DCAF7: variants seen among roughly 807,000 people sequenced by gnomAD.
The protein encoded by DCAF7 is DDB1 and CUL4 associated factor 7.
DCAF7 carries 4 observed loss-of-function variants against 41.2 expected under a neutral mutation model. That is an observed-to-expected ratio of 0.10 (90% confidence interval 0.05 to 0.22). DCAF7 has a LOEUF of 0.22. DCAF7 is among the 10% of genes least tolerant of loss of function. The pLI is 1.00. For missense variants in DCAF7, 131 were observed against 443.2 expected, an observed-to-expected ratio of 0.30 and a Z score of 6.32; for synonymous variants, 143 against 164.2, an observed-to-expected ratio of 0.87 and a Z score of 0.99.
intron 1 of DCAF7, among the ~76,000 whole-genome samples, chr17:63,571,928 A>G (rs917757117): frequency 2.0e-5 from 3 of 151,986 alleles, no homozygotes; most frequent in Non-Finnish European, 4.4e-5. Context: ...TCTGATAGCT[A>G]AGTTGGAAAA....
At position 63,568,746 on chromosome 17, in the gene DCAF7, G is replaced by C. The variant is rs112873389; in HGVS notation, c.139-9724G>C. On this transcript the variant is annotated intron_variant, in intron 1 of 6. Coordinates refer to ENST00000614556, the MANE Select transcript of DCAF7 (RefSeq NM_005828.5). ...TGAGCCTCAGGCCTCTCATGGGACT[G>C]GACCCGGCCAGTGGAAAGCTGTTGT... is the stretch of plus-strand genomic sequence containing the variant. 9.2e-3 allele frequency among the ~76,000 whole-genome samples: 1,408 copies of C among 152,264 alleles called. 31 individuals carry two copies. The highest frequency in any genetic ancestry group is 0.033 in the African/African-American group (1,362 of 41,548).
At chr17:63,584,360 C>T (rs1260757987) in intron 5 of DCAF7, among the ~76,000 whole-genome samples, 1 of 151,882 alleles carries the variant, frequency 6.6e-6, no homozygotes, top group Non-Finnish European at 1.5e-5. Flanking sequence ...TCCAGCTATT[C>T]GGGAGGCTGA....
intron 1 of DCAF7, among the ~76,000 whole-genome samples, chr17:63,570,648 A>G (rs183400885): frequency 1.4e-4 from 21 of 152,296 alleles, no homozygotes; most frequent in Admixed American, 3.9e-4. Flanking sequence ...GCTCTGCTCT[A>G]TAGAGCACTA....
rs1284501943 is a variant in DCAF7 at position 63,590,501 on chromosome 17, G to A, written c.*1329G>A. Reference sequence around the variant, plus strand: ...TCAACCCCTCTCTCCCCCAGTTTAGGTTCTGAGCAGTATTGGACTTGTAGC... The same window carrying A: ...TCAACCCCTCTCTCCCCCAGTTTAGATTCTGAGCAGTATTGGACTTGTAGC... On this transcript the variant is annotated 3_prime_UTR_variant, in exon 7 of 7. Transcript: ENST00000614556. 1 of 152,750 alleles carries A rather than the reference G, an allele frequency of 6.5e-6. No homozygotes were observed. Among genetic ancestry groups the A allele is most frequent in the African/African-American group, 2.4e-5 (1 of 41,446 alleles). The allele number at this position is 152,750 out of a possible 1,614,324, so 9.5% of individuals were successfully genotyped here.
At chr17:63,582,456 G>T (rs541827425) in intron 4 of DCAF7, among the ~76,000 whole-genome samples, 1 of 150,560 alleles carries the variant, frequency 6.6e-6, no homozygotes, top group South Asian at 2.1e-4. Flanking sequence ...CTCTCTCTTC[G>T]TCCCTCTTCG....
intron 1 of DCAF7, among the ~76,000 whole-genome samples, chr17:63,559,347 A>G (rs1390924383): frequency 8.4e-6 from 1 of 118,764 alleles, no homozygotes; most frequent in Non-Finnish European, 1.7e-5. Context: ...ACATATATAT[A>G]CGTATATATA....
At chr17:63,585,379 C>T (rs2033666462) in intron 6 of DCAF7, 51 bp downstream of exon 6, 5 of 1,476,392 alleles carry the variant, frequency 3.4e-6, no homozygotes, top group Non-Finnish European at 4.7e-6. Flanking sequence ...GAAATCTGTT[C>T]TCTTGGCTCC....
Position 63,583,299 on chromosome 17 carries a change from A to G in DCAF7, c.529-203A>G, listed in dbSNP as rs148834614. Among the ~76,000 whole-genome samples the G allele has an allele frequency of 8.1e-4, 124 of 152,338 alleles. 2 individuals carry two copies. Among genetic ancestry groups the G allele is most frequent in the African/African-American group, 2.8e-3 (118 of 41,574 alleles). On this transcript the variant is annotated intron_variant, in intron 4 of 6. Coordinates refer to ENST00000614556, the MANE Select transcript of DCAF7 (RefSeq NM_005828.5). ...TGTGGGAAGAAGCCAGCCAATTTCT[A>G]TAGCAGAATGATCTTCCATCTTTGG... is the stretch of plus-strand genomic sequence containing the variant.
Position 63,580,507 on chromosome 17 carries a change from C to CTT in DCAF7, c.528+591_528+592dup, listed in dbSNP as rs530801174. 7.2e-3 allele frequency among the ~76,000 whole-genome samples: 318 copies of CTT among 43,892 alleles called. 54 individuals carry two copies. Among genetic ancestry groups the CTT allele is most frequent in the Middle Eastern group, 0.026 (1 of 38 alleles). 28.8% of individuals were successfully genotyped at this position (43,892 alleles called of 152,430 possible). A position where few individuals can be genotyped will look rare whatever the true frequency, so the allele number is the denominator to read the frequency against. ...AACTGAGAAGAGCTATTTGTGATTG[C>CTT]TTTTTTTTTTTTTTTTTTTTTTTTT... On this transcript the variant is annotated intron_variant, in intron 4 of 6. Coordinates refer to ENST00000614556, the MANE Select transcript of DCAF7 (RefSeq NM_005828.5).
chr17:63,573,068 G>A (rs1489060549), intron 1 of DCAF7, among the ~76,000 whole-genome samples: 2 of 152,028 alleles, frequency 1.3e-5, no homozygotes, highest in East Asian at 3.9e-4. Flanking sequence ...CAGCCTCAGA[G>A]GTTTATTCTT....
intron 1 of DCAF7, among the ~76,000 whole-genome samples, chr17:63,552,991 A>G (rs2033273273): frequency 6.6e-6 from 1 of 152,210 alleles, no homozygotes; most frequent in Admixed American, 6.5e-5. Flanking sequence ...CTATCAGTAG[A>G]TCAGGGTTCT....
chr17:63,559,407 A>G (rs1326154449), intron 1 of DCAF7, among the ~76,000 whole-genome samples: 4 of 107,478 alleles, frequency 3.7e-5, no homozygotes, highest in South Asian at 2.5e-4. Context: ...ATGTATATAT[A>G]TGTATATATA....
intron 4 of DCAF7, among the ~76,000 whole-genome samples, chr17:63,582,756 G>A (rs756513935): frequency 1.3e-5 from 2 of 152,052 alleles, no homozygotes; most frequent in African/African-American, 2.4e-5. Flanking sequence ...GGTGTAATCC[G>A]CACCCGGCCT....
chr17:63,555,965 A>G (rs1428180088), intron 1 of DCAF7, among the ~76,000 whole-genome samples: 1 of 152,206 alleles, frequency 6.6e-6, no homozygotes, highest in Admixed American at 6.5e-5. Context: ...CTGAGCCACG[A>G]GCCAAAGGTG....
chr17:63,587,134 A>G (rs2033685701), intron 6 of DCAF7, among the ~76,000 whole-genome samples: 1 of 152,010 alleles, frequency 6.6e-6, no homozygotes, highest in African/African-American at 2.4e-5. Flanking sequence ...ATAATGGACA[A>G]GGTTTGTTAT....
chr17:63,575,136 G>A (rs1020075382), intron 1 of DCAF7, among the ~76,000 whole-genome samples: 2 of 152,128 alleles, frequency 1.3e-5, no homozygotes, highest in African/African-American at 2.4e-5. Flanking sequence ...GGCCAACATG[G>A]TGAAACCCTG....
Position 63,550,652 on chromosome 17 carries a change from GC to G in DCAF7, c.-23del. The G allele has an allele frequency of 6.2e-7, 1 of 1,611,824 alleles. No homozygotes were observed. Among genetic ancestry groups the G allele is most frequent in the South Asian group, 1.1e-5 (1 of 91,070 alleles). Reference sequence around the variant, plus strand: ...CCCGCCGCAGCCCACTGTTGACCCGGCCCGTACTGCGGCCCCGTGGCCACCA... The same window carrying G: ...CCCGCCGCAGCCCACTGTTGACCCGGCCGTACTGCGGCCCCGTGGCCACCA... On this transcript the variant is annotated 5_prime_UTR_variant, in exon 1 of 7. Coordinates refer to ENST00000614556, the MANE Select transcript of DCAF7 (RefSeq NM_005828.5). This position sits in a 1 kb window ranked among gnomAD's most constrained non-coding sequence, Gnocchi z 4.8.
intron 6 of DCAF7, 149 bp downstream of exon 6, chr17:63,585,477 A>G: frequency 1.4e-6 from 1 of 692,122 alleles, no homozygotes; most frequent in Non-Finnish European, 2.4e-6. Context: ...CACTTGTGAA[A>G]TTCAATCAGT....
intron 1 of DCAF7, among the ~76,000 whole-genome samples, chr17:63,570,625 G>T (rs60026833): frequency 0.063 from 9,541 of 152,160 alleles, 924 homozygotes; most frequent in African/African-American, 0.21. Context: ...TGCAAGGCAA[G>T]TCAGAAAGTA....
Sources: allele counts gnomAD v4.1 joint callset (sites outside exome capture counted in the v4.1 genomes callset), GRCh38; gene constraint gnomAD v4.1.1; non-coding constraint Gnocchi (gnomAD v3.1); transcripts MANE v1.5; gene names NCBI Gene and HGNC (gene_info 2026-07-23, HGNC 2026-07-21).